Variants in IGSF11 observed in about 807,000 individuals in gnomAD.
IGSF11 encodes immunoglobulin superfamily member 11.
Under a neutral mutation model 41.0 loss-of-function variants are expected in IGSF11, and 22 were observed. That is an observed-to-expected ratio of 0.54 (90% CI 0.38 to 0.77). The LOEUF is 0.77. IGSF11 is among the 30% of genes least tolerant of loss of function. The pLI is 0.00. For synonymous variants in IGSF11, 219 were observed against 201.3 expected, an observed-to-expected ratio of 1.09 and a Z score of -0.74; for missense variants, 444 against 530.8, an observed-to-expected ratio of 0.84 and a Z score of 1.61.
At chr3:119,007,281 T>C (rs1937562367) in intron 1 of IGSF11, among the ~76,000 whole-genome samples, 1 of 139,570 alleles carries the variant, frequency 7.2e-6, no homozygotes, top group Non-Finnish European at 1.5e-5. Flanking sequence ...CCCTGACCCC[T>C]TGCGCTTCCC....
intron 1 of IGSF11, among the ~76,000 whole-genome samples, chr3:119,047,012 G>C (rs1941384524): frequency 6.9e-6 from 1 of 144,800 alleles, no homozygotes; most frequent in South Asian, 2.5e-4. Flanking sequence ...AACATGGAAA[G>C]GAACAACCGG....
rs567500419 is a variant in IGSF11 at position 119,113,142 on chromosome 3, T to A, written c.-13-7937A>T. ...CTCCTCTAACACTGGGGATTATAAT[T>A]TGACATGAGATTTGGGTGGGGACAG... On this transcript the variant is annotated intron_variant, in intron 1 of 7. Transcript: ENST00000425327. Among the ~76,000 whole-genome samples, 4 of 152,302 alleles carry A rather than the reference T, an allele frequency of 2.6e-5. No homozygotes were observed. The South Asian group carries it at 8.3e-4, about 32-fold the overall frequency.
At chr3:119,006,334 T>C in intron 1 of IGSF11, among the ~76,000 whole-genome samples, 1 of 89,180 alleles carries the variant, frequency 1.1e-5, no homozygotes, top group Admixed American at 1.2e-4. Flanking sequence ...TAAGCACTTC[T>C]CTGTATTGGT....
intron 1 of IGSF11, among the ~76,000 whole-genome samples, chr3:119,017,859 T>C (rs954129237): frequency 7.5e-5 from 11 of 146,534 alleles, no homozygotes; most frequent in East Asian, 4.1e-4. Context: ...CTCGGCTCAC[T>C]GCAACCTCTG....
At chr3:118,981,510 G>A (rs1303125971) in intron 1 of IGSF11, among the ~76,000 whole-genome samples, 1 of 144,936 alleles carries the variant, frequency 6.9e-6, no homozygotes, top group African/African-American at 2.4e-5. Context: ...ATATCAGAAG[G>A]AAGGGTAAGT....
chr3:118,905,739 G>A (rs370026136), intron 4 of IGSF11, 21 bp from the exon 5 acceptor site: 39 of 1,612,780 alleles, frequency 2.4e-5, no homozygotes, highest in East Asian at 4.5e-5. Flanking sequence ...AATAATAACC[G>A]AGTGAGGATT....
intron 1 of IGSF11, among the ~76,000 whole-genome samples, chr3:118,950,640 A>G (rs903181145): frequency 1.3e-4 from 20 of 151,958 alleles, no homozygotes; most frequent in Non-Finnish European, 2.9e-4. Flanking sequence ...TAGATACATT[A>G]TAATAATACA....
chr3:118,938,528 G>A (rs983369215), intron 1 of IGSF11, among the ~76,000 whole-genome samples: 1 of 152,136 alleles, frequency 6.6e-6, no homozygotes, highest in Non-Finnish European at 1.5e-5. Flanking sequence ...AAGAACCAAG[G>A]CACAAAAGCA....
chr3:119,067,584 G>A (rs1192055403), intron 1 of IGSF11, among the ~76,000 whole-genome samples: 6 of 152,166 alleles, frequency 3.9e-5, no homozygotes. Context: ...TAGCTCTTCA[G>A]CTCCCTCGTA....
At chr3:118,936,017 G>A (rs1943246096) in intron 1 of IGSF11, among the ~76,000 whole-genome samples, 1 of 151,928 alleles carries the variant, frequency 6.6e-6, no homozygotes, top group African/African-American at 2.4e-5. Context: ...AGAACTATGT[G>A]TAATAAAAAG....
At chr3:119,044,354 A>G (rs538064317) in intron 1 of IGSF11, among the ~76,000 whole-genome samples, 2 of 152,188 alleles carry the variant, frequency 1.3e-5, no homozygotes, top group East Asian at 3.9e-4. Flanking sequence ...CCAATCAGAC[A>G]AGGGTAAAGA....
At chr3:119,116,980 C>A (rs1010063542) in intron 1 of IGSF11, among the ~76,000 whole-genome samples, 1 of 152,018 alleles carries the variant, frequency 6.6e-6, no homozygotes, top group African/African-American at 2.4e-5. Flanking sequence ...ACCTGGCCAC[C>A]CCCACCCCTT....
chr3:119,141,145 T>G (rs970793089), intron 1 of IGSF11, among the ~76,000 whole-genome samples: 2 of 147,398 alleles, frequency 1.4e-5, no homozygotes, highest in African/African-American at 5.0e-5. Context: ...ATGTGGAAAT[T>G]AAACAACACA....
chr3:118,905,587 T>C lies in IGSF11; in HGVS notation c.703+9A>G. 2 of 1,613,694 alleles carry C rather than the reference T, an allele frequency of 1.2e-6. No individual in the cohort carries two copies. The highest frequency in any genetic ancestry group is 1.1e-5 in the South Asian group (1 of 91,042). ...CCCATGGTTGACATCAGAATTTCCA[T>C]ATGCTTACGTGAAATAACCTGGAGA... On this transcript the variant is annotated intron_variant, in intron 5 of 6. Coordinates refer to ENST00000393775, the MANE Select transcript of IGSF11 (RefSeq NM_001015887.3).
Position 118,908,933 on chromosome 3 carries a change from TA to T in IGSF11, c.581-3216del, listed in dbSNP as rs1352858708. ...GAGTGTGTTCCCTGTTCTTCATCTA[TA>T]TTTTAGTTTCCTCATCTGTAATATG... On this transcript the variant is annotated intron_variant, in intron 4 of 6. Coordinates refer to ENST00000393775, the MANE Select transcript of IGSF11 (RefSeq NM_001015887.3). Among the ~76,000 whole-genome samples, 5 of 152,346 alleles carry T rather than the reference TA, an allele frequency of 3.3e-5. 1 individual carries two copies. The highest frequency in any genetic ancestry group is 1.9e-4 in the East Asian group (1 of 5,180).
chr3:118,958,588 C>T (rs1270572510), intron 1 of IGSF11, among the ~76,000 whole-genome samples: 1 of 152,120 alleles, frequency 6.6e-6, no homozygotes, highest in African/African-American at 2.4e-5. Flanking sequence ...CATGCATGCA[C>T]ATTCAGTATA....
chr3:118,905,697 G>T lies in IGSF11; in HGVS notation c.602C>A (p.Thr201Asn). Residue 201 changes from threonine to asparagine, a missense_variant, in exon 5 of 7, where the codon ACC (threonine) becomes AAC (asparagine). Coordinates refer to ENST00000393775, the MANE Select transcript of IGSF11 (RefSeq NM_001015887.3). ...ATQDQVQGTV[T>N]IRNISALSSG... is the part of the protein sequence containing the mutation. ...AGACAGGGCACTGATGTTCCGGATG[G>T]TGACTGTTCCCTGGACCTGGTCTGT... 2 of 1,613,842 alleles carry T rather than the reference G, an allele frequency of 1.2e-6. No individual in the cohort carries two copies. The highest frequency in any genetic ancestry group is 3.3e-4 in the Middle Eastern group (2 of 6,056).
At chr3:118,939,688 T>G (rs903821331) in intron 1 of IGSF11, among the ~76,000 whole-genome samples, 9 of 152,116 alleles carry the variant, frequency 5.9e-5, no homozygotes, top group Non-Finnish European at 1.3e-4. Flanking sequence ...TCAAAATTTA[T>G]GGGGAAGCAA....
At chr3:119,082,249 C>A (rs1452730463) in intron 1 of IGSF11, among the ~76,000 whole-genome samples, 4 of 152,020 alleles carry the variant, frequency 2.6e-5, no homozygotes, top group Admixed American at 6.6e-5. Flanking sequence ...AAAATGGCAA[C>A]ATAAAAGTAA....
Sources: allele counts gnomAD v4.1 joint callset (sites outside exome capture counted in the v4.1 genomes callset), GRCh38; gene constraint gnomAD v4.1.1; transcripts MANE v1.5; gene names NCBI Gene and HGNC (gene_info 2026-07-23, HGNC 2026-07-21).